Variants in SH2D3C observed in about 807,000 individuals in gnomAD.
The protein encoded by SH2D3C is SH2 domain containing 3C.
In SH2D3C, 25 loss-of-function variants were observed where a neutral mutation model predicts 75.2. The observed-to-expected ratio is 0.33, with a 90% confidence interval of 0.24 to 0.46. The LOEUF (loss-of-function observed/expected upper bound fraction) is 0.46. Ranked by LOEUF, SH2D3C falls within the 20% of genes least tolerant of loss-of-function variation. The pLI is 1.00. For synonymous variants in SH2D3C, 450 were observed against 473.7 expected, an observed-to-expected ratio of 0.95 and a Z score of 0.65; for missense variants, 933 against 1,165.3, an observed-to-expected ratio of 0.80 and a Z score of 2.90.
chr9:127,744,505 C>A, intron 7 of SH2D3C, 59 bp downstream of exon 7: 1 of 1,528,682 alleles, frequency 6.5e-7, no homozygotes, highest in Middle Eastern at 2.3e-4. Flanking sequence ...CAGCTTCTCA[C>A]TGCCCTGCCC....
chr9:127,742,785 G>T (rs528384536), intron 8 of SH2D3C, 64 bp downstream of exon 8: 3 of 1,330,832 alleles, frequency 2.3e-6, no homozygotes, highest in Admixed American at 4.1e-5. Flanking sequence ...AACCCGCCCC[G>T]TCCAGCGGGG....
chr9:127,741,855 T>G lies in SH2D3C; in HGVS notation c.2021A>C (p.Glu674Ala), dbSNP rs757053855. ...LLHKTIQLAA[E>A]LRGTMGNMFS... ...CATGTTGCCCATAGTCCCCCGCAGC[T>G]CGGCCGCCAGCTGAATGGTCTTGTG... Residue 674 changes from glutamate (E) to alanine (A), a missense_variant, in exon 9 of 12, where the codon GAG (glutamate) becomes GCG (alanine). Glu to Ala is a moderately radical substitution (Grantham distance 107, BLOSUM62 -1). Transcript: ENST00000314830. 6.2e-7 allele frequency: 1 copy of G among 1,613,322 alleles called. No homozygotes were observed. Among genetic ancestry groups the G allele is most frequent in the South Asian group, 1.1e-5 (1 of 91,082 alleles).
At chr9:127,753,125 A>G (rs1303894552) in intron 3 of SH2D3C, among the ~76,000 whole-genome samples, 4 of 151,732 alleles carry the variant, frequency 2.6e-5, no homozygotes, top group African/African-American at 9.7e-5. Flanking sequence ...TGCCTCAGGG[A>G]GCTGGGGTTT....
Position 127,738,641 on chromosome 9 carries a change from A to C in SH2D3C, c.*105T>G. ...GGGAGATGCTTGAGTTGAACCCAGA[A>C]CATTCTCGGGTTGATCACAGTGTCC... On this transcript the variant is annotated 3_prime_UTR_variant, in exon 12 of 12. Coordinates refer to ENST00000314830, the MANE Select transcript of SH2D3C (RefSeq NM_170600.3). This position sits in a 1 kb window ranked among gnomAD's most constrained non-coding sequence, Gnocchi z 5.0. 1 of 1,262,378 alleles carries C rather than the reference A, an allele frequency of 7.9e-7. No individual in the cohort carries two copies. Among genetic ancestry groups the C allele is most frequent in the South Asian group, 1.6e-5 (1 of 63,212 alleles). 78.2% of individuals were successfully genotyped at this position (1,262,378 alleles called of 1,614,324 possible). A position where few individuals can be genotyped will look rare whatever the true frequency, so the allele number is the denominator to read the frequency against.
rs1564428328 is a variant in SH2D3C at position 127,778,572 on chromosome 9, G to C, written c.37+19C>G. On this transcript the variant is annotated intron_variant, in intron 1 of 11. Coordinates refer to ENST00000314830, the MANE Select transcript of SH2D3C (RefSeq NM_170600.3). ...AGAGCCAGGGATGGAGGACAGTGCAGACGGCACCCCACACTCACTGAACTT... is the reference window on the plus strand; with the variant it reads ...AGAGCCAGGGATGGAGGACAGTGCACACGGCACCCCACACTCACTGAACTT... 1 of 1,602,564 alleles carries C rather than the reference G, an allele frequency of 6.2e-7. No individual in the cohort carries two copies.
chr9:127,771,319 T>G (rs560639855), intron 2 of SH2D3C: 2 of 1,434,198 alleles, frequency 1.4e-6, no homozygotes, highest in Admixed American at 6.0e-5. Context: ...CAGAGCTCAG[T>G]GCCGGACTCC....
At chr9:127,745,439 T>C (rs958537179) in intron 6 of SH2D3C, among the ~76,000 whole-genome samples, 4 of 150,866 alleles carry the variant, frequency 2.7e-5, no homozygotes, top group African/African-American at 9.8e-5. Context: ...CTCGACGAAT[T>C]AGCAATAATG....
At chr9:127,747,769 A>G (rs1473061507) in intron 5 of SH2D3C, among the ~76,000 whole-genome samples, 4 of 151,878 alleles carry the variant, frequency 2.6e-5, no homozygotes, top group Non-Finnish European at 5.9e-5. Flanking sequence ...CAAACTTCTG[A>G]CCTCAGGTGA....
Position 127,751,070 on chromosome 9 carries a change from C to T in SH2D3C, c.684+102G>A. On this transcript the variant is annotated intron_variant, in intron 4 of 11. Coordinates refer to ENST00000314830, the MANE Select transcript of SH2D3C (RefSeq NM_170600.3). This position sits in a 1 kb window ranked among gnomAD's most constrained non-coding sequence, Gnocchi z 4.1. Reference sequence around the variant, plus strand: ...GTCCATTCTGATTGAATCCACCAAGCAACAGGTCAGAGCCTCCCAGGTGGC... The same window carrying T: ...GTCCATTCTGATTGAATCCACCAAGTAACAGGTCAGAGCCTCCCAGGTGGC... 3 of 1,132,648 alleles carry T rather than the reference C, an allele frequency of 2.6e-6. No homozygotes were observed. The highest frequency in any genetic ancestry group is 3.9e-6 in the Non-Finnish European group (3 of 771,264). The allele number at this position is 1,132,648 out of a possible 1,614,324, so 70.2% of individuals were successfully genotyped here.
chr9:127,740,872 G>T (rs565904246), intron 9 of SH2D3C, among the ~76,000 whole-genome samples: 1 of 152,064 alleles, frequency 6.6e-6, no homozygotes. Context: ...TAGTAGAGAC[G>T]GGGTTTCACC....
intron 2 of SH2D3C, among the ~76,000 whole-genome samples, chr9:127,767,768 G>C (rs982478473): frequency 6.6e-6 from 1 of 152,230 alleles, no homozygotes; most frequent in African/African-American, 2.4e-5. Context: ...TCCTCACAGT[G>C]ACTCTATGAA....
In SH2D3C at chr9:127,751,004, G is replaced by A. The variant is rs973943947; in HGVS notation, c.684+168C>T. ...CGGAGAGGTGAAGCAACTTGTTCAAGGTCACACAGTCAGTAAAGGGCAGAG... is the reference window on the plus strand; with the variant it reads ...CGGAGAGGTGAAGCAACTTGTTCAAAGTCACACAGTCAGTAAAGGGCAGAG... On this transcript the variant is annotated intron_variant, in intron 4 of 11. Transcript: ENST00000314830. The surrounding 1 kb of genome is among the most constrained non-coding windows in gnomAD (Gnocchi z 4.1). 1.3e-5 allele frequency among the ~76,000 whole-genome samples: 2 copies of A among 152,232 alleles called. No individual in the cohort carries two copies. The highest frequency in any genetic ancestry group is 2.9e-5 in the Non-Finnish European group (2 of 68,050).
chr9:127,777,762 C>T lies in SH2D3C; in HGVS notation c.37+829G>A, dbSNP rs572730909. ...GAAGCACAGAGATGGAGAACGAAGT[C>T]AGTCAGAGAGACAGAGATGCTGGGC... On this transcript the variant is annotated intron_variant, in intron 1 of 11. Coordinates refer to ENST00000314830, the MANE Select transcript of SH2D3C (RefSeq NM_170600.3). Among the ~76,000 whole-genome samples, 14 of 152,184 alleles carry T rather than the reference C, an allele frequency of 9.2e-5. 1 individual carries two copies. The East Asian group carries it at 2.5e-3, about 27-fold the overall frequency.
At position 127,778,632 on chromosome 9, in the gene SH2D3C, G is replaced by A. The variant is rs749023235; in HGVS notation, c.-5C>T. The A allele has an allele frequency of 6.2e-7, 1 of 1,613,704 alleles. No homozygotes were observed. ...CTTCTTGGTCCCCTCTGTCATCTTG[G>A]CAAATTGTGTGAAGCCCTTGGCCAG... On this transcript the variant is annotated 5_prime_UTR_variant, in exon 1 of 12. Transcript: ENST00000314830.
At chr9:127,765,108 G>A (rs1240309959) in intron 2 of SH2D3C, among the ~76,000 whole-genome samples, 1 of 151,722 alleles carries the variant, frequency 6.6e-6, no homozygotes. Flanking sequence ...CTCCTGGCTG[G>A]AGCGATCCTC....
At chr9:127,771,765 C>G (rs112448890) in intron 2 of SH2D3C, among the ~76,000 whole-genome samples, 10 of 152,240 alleles carry the variant, frequency 6.6e-5, no homozygotes, top group African/African-American at 2.4e-4. Context: ...TACATACAAT[C>G]CTTGGTCCTT....
At chr9:127,745,455 CTTTTTTTTTTTTT>C (rs1190107937) in intron 6 of SH2D3C, among the ~76,000 whole-genome samples, 1 of 109,554 alleles carries the variant, frequency 9.1e-6, no homozygotes, top group African/African-American at 4.6e-5. Flanking sequence ...TAATGATTTC[CTTTTTTTTTTTTT>C]TTTTTTTTTT....
In SH2D3C at chr9:127,754,124, G is replaced by A. The variant is rs1002347321; in HGVS notation, c.556-2824C>T. Among the ~76,000 whole-genome samples the A allele has an allele frequency of 6.6e-6, 1 of 152,196 alleles. No homozygotes were observed. The highest frequency in any genetic ancestry group is 2.4e-5 in the African/African-American group (1 of 41,458). ...CAGTTCCCTAGAGTTGGGGGTGCTGGGGTGCGAATGCAGCATCCCTGCGCT... is the reference window on the plus strand; with the variant it reads ...CAGTTCCCTAGAGTTGGGGGTGCTGAGGTGCGAATGCAGCATCCCTGCGCT... On this transcript the variant is annotated intron_variant, in intron 3 of 11. Transcript: ENST00000314830. The surrounding 1 kb of genome is among the most constrained non-coding windows in gnomAD (Gnocchi z 4.4).
At chr9:127,747,868 C>T (rs1845080972) in intron 5 of SH2D3C, among the ~76,000 whole-genome samples, 1 of 152,112 alleles carries the variant, frequency 6.6e-6, no homozygotes, top group South Asian at 2.1e-4. Flanking sequence ...CGGTATCTTC[C>T]ACATGACCCT....
Sources: gnomAD v4.1 joint callset for allele counts (sites outside exome capture counted in the v4.1 genomes callset) on GRCh38, gnomAD v4.1.1 for gene constraint, Gnocchi (gnomAD v3.1) non-coding constraint, MANE v1.5 for transcripts, NCBI Gene and HGNC (gene_info 2026-07-23, HGNC 2026-07-21) for gene names.